XDH: variants seen among roughly 807,000 people sequenced by gnomAD.
XDH encodes xanthine dehydrogenase/oxidase.
In XDH, 138 loss-of-function variants were observed where a neutral mutation model predicts 156.1. That is an observed-to-expected ratio of 0.88 (90% CI 0.77 to 1.02). The LOEUF (loss-of-function observed/expected upper bound fraction) is 1.02, where lower values mean the gene tolerates loss of function less well. XDH is among the 50% of genes least tolerant of loss of function. The pLI, the probability that XDH is intolerant of heterozygous loss-of-function variation, is 0.00. For synonymous variants in XDH, 669 were observed against 625.7 expected, an observed-to-expected ratio of 1.07 and a Z score of -1.03; for missense variants, 1,849 against 1,684.9, an observed-to-expected ratio of 1.10 and a Z score of -1.71.
At chr2:31,370,784 G>C (rs1200819809) in intron 17 of XDH, among the ~76,000 whole-genome samples, 1 of 152,116 alleles carries the variant, frequency 6.6e-6, no homozygotes, top group Non-Finnish European at 1.5e-5. Flanking sequence ...AGGATCACTT[G>C]AGCCCAGGAG....
chr2:31,362,278 G>C (rs1278247648), intron 24 of XDH, among the ~76,000 whole-genome samples: 1 of 152,130 alleles, frequency 6.6e-6, no homozygotes, highest in Non-Finnish European at 1.5e-5. Context: ...ATTCAGAAAA[G>C]ATGTCTGGAT....
At chr2:31,404,310 G>A (rs373247357) in intron 2 of XDH, among the ~76,000 whole-genome samples, 15 of 152,254 alleles carry the variant, frequency 9.9e-5, no homozygotes, top group South Asian at 2.1e-4. Flanking sequence ...ACCTGAAGAC[G>A]AATGGTGGCA....
chr2:31,352,904 A>G (rs1685522110), intron 24 of XDH, among the ~76,000 whole-genome samples: 1 of 146,940 alleles, frequency 6.8e-6, no homozygotes, highest in Non-Finnish European at 1.5e-5. Flanking sequence ...TTTTTTTCAA[A>G]GAGACAGGCT....
intron 4 of XDH, among the ~76,000 whole-genome samples, chr2:31,399,606 A>T (rs1018229105): frequency 6.6e-6 from 1 of 152,184 alleles, no homozygotes; most frequent in African/African-American, 2.4e-5. Flanking sequence ...CCCCAATCTC[A>T]TCTTGAATTG....
chr2:31,339,510 C>G lies in XDH; in HGVS notation c.3753G>C (p.Lys1251Asn). The G allele has an allele frequency of 6.2e-7, 1 of 1,614,182 alleles. No individual in the cohort carries two copies. Among genetic ancestry groups the G allele is most frequent in the Non-Finnish European group, 8.5e-7 (1 of 1,180,044 alleles). ...RVSLLRDCPN[K>N]KAIYASKAVG... ...GTACCTTCGATGCATAGATGGCCTT[C>G]TTGTTGGGGCAGTCGCGGAGCAGGG... is the stretch of plus-strand genomic sequence containing the variant. Residue 1251 changes from lysine (K) to asparagine (N), a missense_variant, in exon 34 of 36, where the codon AAG (lysine) becomes AAC (asparagine). Physicochemically the swap from Lys to Asn is moderately conservative, Grantham distance 94. Transcript: ENST00000379416.
intron 24 of XDH, among the ~76,000 whole-genome samples, chr2:31,352,687 G>A (rs373625197): frequency 6.6e-6 from 1 of 152,166 alleles, no homozygotes; most frequent in Admixed American, 6.5e-5. Context: ...GTTTTTCAAC[G>A]TGATTTTTTC....
At chr2:31,400,002 T>C (rs942709363) in intron 4 of XDH, among the ~76,000 whole-genome samples, 25 of 152,106 alleles carry the variant, frequency 1.6e-4, no homozygotes, top group African/African-American at 6.0e-4. Flanking sequence ...CCCTCTCACG[T>C]CTCCTTCAGG....
chr2:31,364,135 G>A, intron 24 of XDH, 23 bp downstream of exon 24: 1 of 1,612,178 alleles, frequency 6.2e-7, no homozygotes, highest in Non-Finnish European at 8.5e-7. Context: ...CTGGGTGCAG[G>A]GGCGGCTGCA....
chr2:31,372,527 G>C, intron 16 of XDH, 130 bp from the exon 17 acceptor site: 1 of 1,243,604 alleles, frequency 8.0e-7, no homozygotes, highest in Non-Finnish European at 1.1e-6. Context: ...GAATTCAGAG[G>C]GGCGTGGGGC....
At chr2:31,371,856 G>A (rs1480324169) in intron 17 of XDH, among the ~76,000 whole-genome samples, 3 of 152,156 alleles carry the variant, frequency 2.0e-5, no homozygotes, top group African/African-American at 7.2e-5. Flanking sequence ...TTTCCTAGCT[G>A]ATCTGCTCAG....
Position 31,365,807 on chromosome 2 carries a change from C to A in XDH, c.2456+169G>T, listed in dbSNP as rs45613940. On this transcript the variant is annotated intron_variant, in intron 22 of 35. Coordinates refer to ENST00000379416, the MANE Select transcript of XDH (RefSeq NM_000379.4). ...CTGTGCCAGACCACAACGGAACAGG[C>A]GATGTTACCCTCCCACTATGCCCAA... 7.9e-5 allele frequency among the ~76,000 whole-genome samples: 12 copies of A among 152,272 alleles called. No individual in the cohort carries two copies. The East Asian group carries it at 2.1e-3, about 27-fold the overall frequency.
At chr2:31,345,713 G>A (rs1423390891) in intron 30 of XDH, among the ~76,000 whole-genome samples, 1 of 152,058 alleles carries the variant, frequency 6.6e-6, no homozygotes, top group Non-Finnish European at 1.5e-5. Context: ...GCTTGTGTGC[G>A]TTTGTGTGTG....
chr2:31,405,705 C>T (rs1687173677), intron 2 of XDH, among the ~76,000 whole-genome samples: 1 of 152,144 alleles, frequency 6.6e-6, no homozygotes, highest in Non-Finnish European at 1.5e-5. Flanking sequence ...TCGAAGATCA[C>T]CACAAACAAT....
In XDH at chr2:31,368,609, G is replaced by A; in HGVS notation, c.2032C>T (p.His678Tyr). The A allele has an allele frequency of 6.2e-7, 1 of 1,614,214 alleles. No homozygotes were observed. Among genetic ancestry groups the A allele is most frequent in the Non-Finnish European group, 8.5e-7 (1 of 1,180,034 alleles). Residue 678 changes from histidine to tyrosine, a missense_variant, in exon 19 of 36, where the codon CAC becomes TAC. Transcript: ENST00000379416. ...ACCCCTTGGGCAGCTCTCTGTGTGT[G>A]TTCCGGGGTGTCAGCAACCACAGCA... ...IGAVVADTPE[H>Y]TQRAAQGVKI...
chr2:31,381,754 G>A (rs372846520), intron 11 of XDH, 28 bp from the exon 12 acceptor site: 1,007 of 1,597,372 alleles, frequency 6.3e-4, no homozygotes, highest in Non-Finnish European at 8.0e-4. Context: ...CATGCAGTGA[G>A]AGCCCACCCC....
At chr2:31,337,270 C>T (rs1301756704) in intron 35 of XDH, among the ~76,000 whole-genome samples, 2 of 151,626 alleles carry the variant, frequency 1.3e-5, no homozygotes, top group Non-Finnish European at 2.9e-5. Context: ...ATACAGTGTC[C>T]TTAACATAAA....
chr2:31,379,804 T>C (rs1686381019), intron 13 of XDH, 63 bp downstream of exon 13: 3 of 1,515,290 alleles, frequency 2.0e-6, no homozygotes, highest in Non-Finnish European at 2.8e-6. Context: ...TCTGATCTCT[T>C]TGTCTAGAGC....
chr2:31,403,084 A>G lies in XDH; in HGVS notation c.161T>C (p.Met54Thr). The G allele has an allele frequency of 6.2e-7, 1 of 1,614,174 alleles. No homozygotes were observed. Among genetic ancestry groups the G allele is most frequent in the South Asian group, 1.1e-5 (1 of 91,086 alleles). Residue 54 changes from methionine to threonine, a missense_variant, in exon 3 of 36, where the codon ATG becomes ACG. By Grantham distance (81) the Met-to-Thr change is moderately conservative (BLOSUM62 -1). Coordinates refer to ENST00000379416, the MANE Select transcript of XDH (RefSeq NM_000379.4). ...CTGCAGACGATCATACTTGGAGAGC[A>G]TCACTGTGCAAGCCCCGCAGCCCCC... is the stretch of plus-strand genomic sequence containing the variant. ...GEGGCGACTV[M>T]LSKYDRLQNK...
At chr2:31,361,154 A>G (rs963421565) in intron 24 of XDH, among the ~76,000 whole-genome samples, 2 of 152,238 alleles carry the variant, frequency 1.3e-5, no homozygotes, top group Non-Finnish European at 2.9e-5. Context: ...TCAACAGCAC[A>G]AGATTGCTGA....
Sources: gnomAD v4.1 joint callset for allele counts (sites outside exome capture counted in the v4.1 genomes callset) on GRCh38, gnomAD v4.1.1 for gene constraint, MANE v1.5 for transcripts, NCBI Gene and HGNC (gene_info 2026-07-23, HGNC 2026-07-21) for gene names.